Variants in SHROOM4 observed in about 807,000 individuals in gnomAD.
The protein encoded by SHROOM4 is shroom family member 4, also known as protein Shroom4.
A neutral mutation model predicts 80.3 loss-of-function variants in SHROOM4; 17 were observed. That is an observed-to-expected ratio of 0.21 (90% CI 0.14 to 0.32). The LOEUF is 0.32. Among genes scored for constraint, SHROOM4 ranks in the 10% least tolerant of loss-of-function variants. The probability of loss-of-function intolerance (pLI) is 1.00; values close to 1 mark genes in which losing one functional copy is unlikely to be tolerated. For missense variants in SHROOM4, 993 were observed against 1,140.3 expected (o/e 0.87, Z 1.86); for synonymous variants, 400 against 437.5 (o/e 0.91, Z 1.07).
intron 4 of SHROOM4, among the ~76,000 whole-genome samples, chrX:50,630,488 T>C (rs1309209790): frequency 9.0e-6 from 1 of 111,526 alleles, no homozygotes; most frequent in African/African-American, 3.3e-5. Flanking sequence ...CATTGTAAGT[T>C]CGGGGGAAGA....
chrX:50,718,215 G>A (rs17249346), intron 1 of SHROOM4, among the ~76,000 whole-genome samples: 2,835 of 111,972 alleles, frequency 0.025, 37 homozygotes, highest in Middle Eastern at 0.055. Flanking sequence ...ATCCAGATGC[G>A]GAATATGATA....
At chrX:50,806,788 C>A (rs1936236085) in intron 1 of SHROOM4, among the ~76,000 whole-genome samples, 1 of 112,302 alleles carries the variant, frequency 8.9e-6, no homozygotes. Context: ...GTCCCAGCAT[C>A]AAAGGTATGA....
chrX:50,705,623 C>T (rs1041224028), intron 1 of SHROOM4, among the ~76,000 whole-genome samples: 12 of 110,914 alleles, frequency 1.1e-4, no homozygotes, highest in South Asian at 3.9e-4. Flanking sequence ...TTGGCACTGA[C>T]GGTGTTCCTC....
At chrX:50,780,741 G>C (rs782736751) in intron 1 of SHROOM4, among the ~76,000 whole-genome samples, 6 of 111,723 alleles carry the variant, frequency 5.4e-5, no homozygotes, top group Non-Finnish European at 1.1e-4. Context: ...TTTATAGCTG[G>C]ATATAAGAGT....
intron 5 of SHROOM4, 124 bp from the exon 6 acceptor site, chrX:50,608,308 T>C: frequency 3.9e-6 from 2 of 515,364 alleles, no homozygotes; most frequent in South Asian, 6.7e-5. Flanking sequence ...GTAGTAAATG[T>C]AATAATAGTA....
At chrX:50,575,826 A>G in the SHROOM4 span, among the ~76,000 whole-genome samples, 1 of 112,238 alleles carries the variant, frequency 8.9e-6, no homozygotes, top group South Asian at 3.7e-4. Flanking sequence ...TATAGTTATG[A>G]AACCATCAAA....
chrX:50,666,670 A>G (rs1472914884), intron 2 of SHROOM4, among the ~76,000 whole-genome samples: 2 of 112,250 alleles, frequency 1.8e-5, no homozygotes, highest in Non-Finnish European at 3.8e-5. Context: ...CACCAAAACA[A>G]GTTTTTAATT....
intron 2 of SHROOM4, among the ~76,000 whole-genome samples, chrX:50,650,731 A>G (rs1932016266): frequency 8.9e-6 from 1 of 112,323 alleles, no homozygotes. Flanking sequence ...ACTGTCTGAT[A>G]TAACTGTCTG....
rs1931221310 is a variant in SHROOM4 at position 50,634,281 on chromosome X, T to G, written c.1792A>C (p.Arg598=). 8.3e-7 allele frequency: 1 copy of G among 1,209,316 alleles called. No individual in the cohort carries two copies. The highest frequency in any genetic ancestry group is 1.8e-5 in the African/African-American group (1 of 56,894). ...FATNLRNEIQ[R]RKAQLQKSKG... ...CTTTTCTGGAGCTGGGCCTTCCTCC[T>G]CTGAATTTCATTACGCAGATTGGTA... Residue 598 remains arginine, a synonymous_variant, in exon 4 of 9, where the codon AGG becomes CGG. Coordinates refer to ENST00000376020, the MANE Select transcript of SHROOM4 (RefSeq NM_020717.5).
intron 1 of SHROOM4, among the ~76,000 whole-genome samples, chrX:50,771,346 T>G (rs1240778018): frequency 8.9e-6 from 1 of 112,246 alleles, no homozygotes; most frequent in Non-Finnish European, 1.9e-5. Context: ...AAAACAGATC[T>G]GAACATTTGG....
At position 50,589,995 on chromosome X, in the gene SHROOM4, T is replaced by C. The variant is rs782467416; in HGVS notation, c.*6700A>G. The stretch of plus-strand genomic sequence containing the variant: ...CTAGTGGGTATGAAGTGGTATCTCA[T>C]TGTGGTCTTGATTTGCATTTCCCTA... On this transcript the variant is annotated 3_prime_UTR_variant, in exon 9 of 9. Coordinates refer to ENST00000376020, the MANE Select transcript of SHROOM4 (RefSeq NM_020717.5). Among the ~76,000 whole-genome samples the C allele has an allele frequency of 1.8e-5, 2 of 111,860 alleles. No homozygotes were observed. Among genetic ancestry groups the C allele is most frequent in the African/African-American group, 3.3e-5 (1 of 30,752 alleles).
At chrX:50,716,754 A>G (rs570017418) in intron 1 of SHROOM4, among the ~76,000 whole-genome samples, 5 of 111,894 alleles carry the variant, frequency 4.5e-5, no homozygotes, top group Non-Finnish European at 7.5e-5. Context: ...TAAAGATAGA[A>G]CTGAGAAACT....
intron 1 of SHROOM4, among the ~76,000 whole-genome samples, chrX:50,703,527 T>G: frequency 8.9e-6 from 1 of 111,772 alleles, no homozygotes; most frequent in Non-Finnish European, 1.9e-5. Context: ...AATCTCATGT[T>G]GAATTGTAAT....
chrX:50,793,521 A>G (rs1935896037), intron 1 of SHROOM4, among the ~76,000 whole-genome samples: 1 of 106,924 alleles, frequency 9.4e-6, no homozygotes, highest in African/African-American at 3.4e-5. Context: ...CATCGAAAAT[A>G]CAAAAGTAAA....
chrX:50,585,899 T>C (rs782229059), downstream of SHROOM4, among the ~76,000 whole-genome samples: 31 of 111,304 alleles, frequency 2.8e-4, no homozygotes, highest in Non-Finnish European at 5.3e-4. Context: ...CTGAGTTTTA[T>C]GACAGGCTTA....
intron 5 of SHROOM4, among the ~76,000 whole-genome samples, chrX:50,624,910 A>C (rs1290834317): frequency 8.9e-6 from 1 of 111,978 alleles, no homozygotes; most frequent in Non-Finnish European, 1.9e-5. Flanking sequence ...TAAAGATATT[A>C]ATATATTAAT....
chrX:50,811,806 C>A (rs1268720694), intron 1 of SHROOM4, among the ~76,000 whole-genome samples: 1 of 111,275 alleles, frequency 9.0e-6, no homozygotes, highest in Non-Finnish European at 1.9e-5. Context: ...CCTTGCATAT[C>A]TAAATGCATG....
At position 50,595,473 on chromosome X, in the gene SHROOM4, A is replaced by G. The variant is rs192118411; in HGVS notation, c.*1222T>C. On this transcript the variant is annotated 3_prime_UTR_variant, in exon 9 of 9. Transcript: ENST00000376020. Reference sequence around the variant, plus strand: ...ATCCCATAGCTTGGAGATGGTAGAGAAATGACTGAACCTTTCTCCATTTCA... The same window carrying G: ...ATCCCATAGCTTGGAGATGGTAGAGGAATGACTGAACCTTTCTCCATTTCA... 489 of 177,793 alleles carry G rather than the reference A, an allele frequency of 2.8e-3. 2 individuals are homozygous for G. Among genetic ancestry groups the G allele is most frequent in the Middle Eastern group, 6.8e-3 (3 of 440 alleles). The allele number at this position is 177,793 out of a possible 1,213,427, so 14.7% of individuals were successfully genotyped here. A position where few individuals can be genotyped will look rare whatever the true frequency, so the allele number is the denominator to read the frequency against.
At chrX:50,733,806 C>T (rs1248320913) in intron 1 of SHROOM4, among the ~76,000 whole-genome samples, 2 of 111,617 alleles carry the variant, frequency 1.8e-5, no homozygotes, top group African/African-American at 3.3e-5. Flanking sequence ...TTAAGACATC[C>T]AAATTGGAAA....
Sources: gnomAD v4.1 joint callset for allele counts (sites outside exome capture counted in the v4.1 genomes callset) on GRCh38, gnomAD v4.1.1 for gene constraint, MANE v1.5 for transcripts, NCBI Gene and HGNC (gene_info 2026-07-23, HGNC 2026-07-21) for gene names.